Variants in LOXL1 observed in about 807,000 individuals in gnomAD.
The protein encoded by LOXL1 is lysyl oxidase like 1.
Under a neutral mutation model 62.2 loss-of-function variants are expected in LOXL1, and 31 were observed. The observed-to-expected ratio is 0.50, with a 90% CI of 0.37 to 0.67. LOXL1 has a LOEUF of 0.67. LOXL1 is among the 30% of genes least tolerant of loss of function. The pLI, the probability that LOXL1 is intolerant of heterozygous loss-of-function variation, is 0.00. For missense variants in LOXL1, 775 were observed against 843.4 expected, an observed-to-expected ratio of 0.92 and a Z score of 1.00; for synonymous variants, 403 against 384.4, an observed-to-expected ratio of 1.05 and a Z score of -0.56.
intron 1 of LOXL1, among the ~76,000 whole-genome samples, chr15:73,933,409 G>A (rs2068649037): frequency 6.6e-6 from 1 of 152,192 alleles, no homozygotes; most frequent in Admixed American, 6.5e-5. Context: ...CCCCTGAGGT[G>A]TAAACACCTG....
chr15:73,937,336 C>T lies in LOXL1; in HGVS notation c.1103-5518C>T, dbSNP rs1337502617. ...AACATTGGTTCTGTCTTCTCGGCTC[C>T]GTGTCTTCACTGTCCTGGAGGTTTG... On this transcript the variant is annotated intron_variant, in intron 1 of 6. Coordinates refer to ENST00000261921, the MANE Select transcript of LOXL1 (RefSeq NM_005576.4). Among the ~76,000 whole-genome samples, 3 of 152,210 alleles carry T rather than the reference C, an allele frequency of 2.0e-5. No homozygotes were observed. In the East Asian group the frequency reaches 5.8e-4, roughly 29 times the overall value.
In LOXL1 at chr15:73,951,815, G is replaced by A; in HGVS notation, c.1719-16G>A. ...CTTTGCAGCCCCTCATTGACCCACT[G>A]TCTTTCCTTCCTCAGATCCTGATCT... On this transcript the variant is annotated splice_polypyrimidine_tract_variant and intron_variant, in intron 6 of 6. Transcript: ENST00000261921. 1.9e-6 allele frequency: 3 copies of A among 1,553,598 alleles called. No homozygotes were observed. Among genetic ancestry groups the A allele is most frequent in the Non-Finnish European group, 2.6e-6 (3 of 1,146,628 alleles).
intron 1 of LOXL1, among the ~76,000 whole-genome samples, chr15:73,937,949 A>G: frequency 6.6e-6 from 1 of 152,190 alleles, no homozygotes; most frequent in East Asian, 1.9e-4. Context: ...CGTTCACTGT[A>G]GCGTGTTTGT....
chr15:73,946,385 AC>A (rs754139345), intron 2 of LOXL1, 31 bp from the exon 3 acceptor site: 54 of 1,457,630 alleles, frequency 3.7e-5, no homozygotes, highest in East Asian at 9.3e-5. Context: ...CTGTGCCCCA[AC>A]CCCCCCTCAT....
In LOXL1 at chr15:73,947,037, C is replaced by T. The variant is rs765630991; in HGVS notation, c.1350-30C>T. On this transcript the variant is annotated intron_variant, in intron 3 of 6. Transcript: ENST00000261921. Reference sequence around the variant, plus strand: ...AGAGGCCCAGGGAAGACTAGGCCCTCTTCTTTCTCCTTCTCTCCTCTGCCC... The same window carrying T: ...AGAGGCCCAGGGAAGACTAGGCCCTTTTCTTTCTCCTTCTCTCCTCTGCCC... 9 of 1,559,506 alleles carry T rather than the reference C, an allele frequency of 5.8e-6. No homozygotes were observed. The Admixed American group carries it at 1.6e-4, about 28-fold the overall frequency.
chr15:73,947,399 TCCCTGC>T, intron 4 of LOXL1, 176 bp downstream of exon 4: 1 of 595,152 alleles, frequency 1.7e-6, no homozygotes, highest in Non-Finnish European at 2.8e-6. Flanking sequence ...GACTGTTCCC[TCCCTGC>T]CCCAGCCCCT....
chr15:73,927,411 G>C lies in LOXL1; in HGVS notation c.628G>C (p.Gly210Arg). 5.2e-6 allele frequency: 8 copies of C among 1,532,290 alleles called. No individual in the cohort carries two copies. The highest frequency in any genetic ancestry group is 7.0e-6 in the Non-Finnish European group (8 of 1,142,178). The allele number at this position is 1,532,290 out of a possible 1,614,324, so 94.9% of individuals were successfully genotyped here. The change falls in exon 1 of 7, where the codon GGC (glycine) becomes CGC (arginine). Residue 210 changes from glycine to arginine, a missense_variant. Coordinates refer to ENST00000261921, the MANE Select transcript of LOXL1 (RefSeq NM_005576.4). ...QGFVYYRPAG[G>R]GVGAGAAAVA... is the part of the protein sequence containing the mutation. ...TTTCGTGTACTACCGGCCCGCGGGC[G>C]GCGGCGTGGGCGCGGGGGCGGCGGC...
intron 1 of LOXL1, among the ~76,000 whole-genome samples, chr15:73,934,683 C>T (rs1032698874): frequency 5.9e-5 from 9 of 152,104 alleles, no homozygotes; most frequent in Non-Finnish European, 2.9e-5. Context: ...GCTGGGTATT[C>T]ATTCGTGAAA....
rs748345626 is a variant in LOXL1 at position 73,938,315 on chromosome 15, C to CTATCTATCTATCTAGA, written c.1103-4537_1103-4536insTCTATCTATCTAGATA. On this transcript the variant is annotated intron_variant, in intron 1 of 6. Coordinates refer to ENST00000261921, the MANE Select transcript of LOXL1 (RefSeq NM_005576.4). ...TCTATCTATCTATCTATCTATCTATCTAGGTAGATAGATAGAACAGGAGGC... is the reference window on the plus strand; with the variant it reads ...TCTATCTATCTATCTATCTATCTATCTATCTATCTATCTAGATAGGTAGATAGATAGAACAGGAGGC... Among the ~76,000 whole-genome samples, 467 of 140,278 alleles carry CTATCTATCTATCTAGA rather than the reference C, an allele frequency of 3.3e-3. 2 individuals carry two copies. The highest frequency in any genetic ancestry group is 7.8e-3 in the Admixed American group (109 of 13,970). 92.0% of individuals were successfully genotyped at this position (140,278 alleles called of 152,430 possible).
rs760813166 is a variant in LOXL1, at chr15:73,942,981, AG to A, written c.1211+20del. On this transcript the variant is annotated intron_variant, in intron 2 of 6. Coordinates refer to ENST00000261921, the MANE Select transcript of LOXL1 (RefSeq NM_005576.4). ...TGGCCAGGTAAGGAGCTGAGGCAGA[AG>A]TGTAGAGTGTTGGGATAGTCCCCGG... 1.1e-5 allele frequency: 17 copies of A among 1,584,344 alleles called. No homozygotes were observed. The highest frequency in any genetic ancestry group is 1.5e-5 in the Non-Finnish European group (17 of 1,153,178).
At chr15:73,937,176 A>G (rs1024437484) in intron 1 of LOXL1, among the ~76,000 whole-genome samples, 2 of 152,114 alleles carry the variant, frequency 1.3e-5, no homozygotes, top group African/African-American at 4.8e-5. Flanking sequence ...GCAACTCCAG[A>G]CCCAGCATTG....
intron 1 of LOXL1, among the ~76,000 whole-genome samples, chr15:73,932,412 T>C (rs964033976): frequency 6.6e-6 from 1 of 152,218 alleles, no homozygotes; most frequent in Admixed American, 6.5e-5. Context: ...AATTTATATA[T>C]TATTGCTTAT....
chr15:73,938,072 A>C (rs1035756377), intron 1 of LOXL1, among the ~76,000 whole-genome samples: 4 of 152,182 alleles, frequency 2.6e-5, no homozygotes, highest in Non-Finnish European at 2.9e-5. Context: ...GGAACACTTG[A>C]GGTCAGGAGT....
Position 73,947,828 on chromosome 15 carries a change from G to A in LOXL1, c.1528G>A (p.Asp510Asn), listed in dbSNP as rs1314770296. The A allele has an allele frequency of 6.2e-7, 1 of 1,613,162 alleles. No individual in the cohort carries two copies. The highest frequency in any genetic ancestry group is 1.3e-5 in the African/African-American group (1 of 74,898). The change falls in exon 5 of 7, where the codon GAC (aspartate) becomes AAC (asparagine). Residue 510 changes from aspartate (D) to asparagine (N), a missense_variant. Asp to Asn is a conservative substitution (Grantham distance 23). Transcript: ENST00000261921. ...CCAGGGCCTGAGCCCAGGCTGCTAT[G>A]ACACCTACAATGCGGACATCGACTG... ...HTQGLSPGCY[D>N]TYNADIDCQW...
intron 1 of LOXL1, among the ~76,000 whole-genome samples, chr15:73,934,727 T>C (rs2068659099): frequency 6.6e-6 from 1 of 152,228 alleles, no homozygotes; most frequent in Non-Finnish European, 1.5e-5. Context: ...TTGTGGATCT[T>C]CTATTTTCAT....
At chr15:73,931,374 G>A (rs1201876386) in intron 1 of LOXL1, among the ~76,000 whole-genome samples, 1 of 152,022 alleles carries the variant, frequency 6.6e-6, no homozygotes, top group African/African-American at 2.4e-5. Context: ...CTGCATGTGG[G>A]GCAGATAAAC....
intron 3 of LOXL1, 122 bp downstream of exon 3, chr15:73,946,676 C>A: frequency 8.3e-7 from 1 of 1,208,074 alleles, no homozygotes; most frequent in Non-Finnish European, 1.1e-6. Flanking sequence ...TTAGAGGGCC[C>A]GGGGAGGTGT....
At chr15:73,936,853 C>T (rs1427414777) in intron 1 of LOXL1, among the ~76,000 whole-genome samples, 1 of 152,228 alleles carries the variant, frequency 6.6e-6, no homozygotes, top group African/African-American at 2.4e-5. Flanking sequence ...GCTAAAGTAT[C>T]GTCTGTAGGG....
intron 1 of LOXL1, among the ~76,000 whole-genome samples, chr15:73,938,668 A>G (rs1037851715): frequency 6.6e-6 from 1 of 152,240 alleles, no homozygotes; most frequent in Middle Eastern, 3.4e-3. Context: ...CCAAGATCGC[A>G]CCACTGCCCT....
Sources: allele counts gnomAD v4.1 joint callset (sites outside exome capture counted in the v4.1 genomes callset), GRCh38; gene constraint gnomAD v4.1.1; transcripts MANE v1.5; gene names NCBI Gene and HGNC (gene_info 2026-07-23, HGNC 2026-07-21).